The following ADAM32 variants were observed in gnomAD, a reference collection of about 807,000 sequenced individuals.
ADAM32 encodes the protein disintegrin and metalloproteinase domain-containing protein 32.
Under a neutral mutation model 114.9 loss-of-function variants are expected in ADAM32, and 89 were observed. The ratio of observed to expected loss-of-function variants is 0.77; its 90% CI spans 0.65 to 0.92. The LOEUF is 0.92. Among genes scored for constraint, ADAM32 ranks in the 40% least tolerant of loss-of-function variants. The pLI is 0.00. For synonymous variants in ADAM32, 285 were observed against 307.5 expected (o/e 0.93, Z 0.77); for missense variants, 870 against 932.8 (o/e 0.93, Z 0.88).
intron 11 of ADAM32, among the ~76,000 whole-genome samples, chr8:39,190,569 GT>G (rs1185260426): frequency 6.6e-6 from 1 of 152,086 alleles, no homozygotes; most frequent in Non-Finnish European, 1.5e-5. Context: ...TTTTTATGTT[GT>G]TTGATAATAA....
chr8:39,121,049 A>G (rs1360219777), intron 2 of ADAM32, among the ~76,000 whole-genome samples: 1 of 152,224 alleles, frequency 6.6e-6, no homozygotes, highest in Non-Finnish European at 1.5e-5. Context: ...TTTAGCAAAA[A>G]GGAACAAGAA....
At chr8:39,235,511 A>G (rs1381952274) in intron 16 of ADAM32, among the ~76,000 whole-genome samples, 1 of 152,192 alleles carries the variant, frequency 6.6e-6, no homozygotes, top group Non-Finnish European at 1.5e-5. Context: ...GCAGAAAAGA[A>G]AAAGCCTAAA....
intron 11 of ADAM32, among the ~76,000 whole-genome samples, chr8:39,198,085 T>TA (rs1325178539): frequency 6.6e-6 from 1 of 152,156 alleles, no homozygotes; most frequent in East Asian, 1.9e-4. Flanking sequence ...TGGTTTTTTT[T>TA]ATGTGTTTTA....
At chr8:39,190,946 C>T (rs1374543345) in intron 11 of ADAM32, among the ~76,000 whole-genome samples, 2 of 152,138 alleles carry the variant, frequency 1.3e-5, no homozygotes, top group Admixed American at 1.3e-4. Context: ...GACCCAGTGT[C>T]TATTGTTCCT....
At position 39,136,572 on chromosome 8, in the gene ADAM32, T is replaced by C; in HGVS notation, c.139-85T>C. The C allele has an allele frequency of 4.8e-6, 4 of 830,624 alleles. No individual in the cohort carries two copies. The South Asian group carries it at 7.0e-5, about 15-fold the overall frequency. The allele number at this position is 830,624 out of a possible 1,614,324, so 51.5% of individuals were successfully genotyped here. The stretch of plus-strand genomic sequence containing the variant: ...TGTAATGAAGATGTTTTAAGCATTG[T>C]TTGGACAGATTAATTGATATAAAAC... On this transcript the variant is annotated intron_variant, in intron 2 of 24. Coordinates refer to ENST00000379907, the MANE Select transcript of ADAM32 (RefSeq NM_145004.7).
chr8:39,209,137 C>T (rs921332064), intron 11 of ADAM32, among the ~76,000 whole-genome samples: 22 of 152,166 alleles, frequency 1.4e-4, no homozygotes, highest in African/African-American at 5.3e-4. Flanking sequence ...TTTGGTATCT[C>T]ACTGATCCAA....
intron 12 of ADAM32, among the ~76,000 whole-genome samples, chr8:39,212,779 T>A (rs1808314125): frequency 6.6e-6 from 1 of 152,174 alleles, no homozygotes; most frequent in Non-Finnish European, 1.5e-5. Context: ...AAGTACAACT[T>A]CTAGGTCATA....
At chr8:39,189,971 C>A (rs936211633) in intron 11 of ADAM32, among the ~76,000 whole-genome samples, 1 of 152,146 alleles carries the variant, frequency 6.6e-6, no homozygotes, top group Non-Finnish European at 1.5e-5. Context: ...CCAGCCACCA[C>A]GCCTGGCTAA....
intron 3 of ADAM32, among the ~76,000 whole-genome samples, chr8:39,142,260 T>C (rs1350910123): frequency 6.6e-6 from 1 of 152,200 alleles, no homozygotes; most frequent in African/African-American, 2.4e-5. Flanking sequence ...GTTAGCTGGT[T>C]ATTTTTCCCA....
At chr8:39,234,235 A>G (rs975218291) in intron 16 of ADAM32, among the ~76,000 whole-genome samples, 153 bp downstream of exon 16, 1 of 152,144 alleles carries the variant, frequency 6.6e-6, no homozygotes, top group Non-Finnish European at 1.5e-5. Flanking sequence ...CCAAATAGTA[A>G]GAGGGAAATG....
At chr8:39,173,358 G>A (rs1056056061) in intron 10 of ADAM32, among the ~76,000 whole-genome samples, 1 of 151,620 alleles carries the variant, frequency 6.6e-6, no homozygotes, top group Non-Finnish European at 1.5e-5. Flanking sequence ...TTTAATAATC[G>A]CCATTCTGAC....
chr8:39,279,231 C>CACTGGAAATGATT (rs1443284664), intron 22 of ADAM32, among the ~76,000 whole-genome samples: 1 of 151,924 alleles, frequency 6.6e-6, no homozygotes, highest in Non-Finnish European at 1.5e-5. Flanking sequence ...CTCTTTTTTC[C>CACTGGAAATGATT]ACTGGAAATG....
At chr8:39,217,469 A>G (rs1454278101) in intron 12 of ADAM32, among the ~76,000 whole-genome samples, 2 of 151,430 alleles carry the variant, frequency 1.3e-5, no homozygotes, top group Non-Finnish European at 2.9e-5. Context: ...CTCTTTATCT[A>G]CCTCCTCTTT....
chr8:39,159,603 T>G (rs1032687450), intron 6 of ADAM32, among the ~76,000 whole-genome samples: 2 of 152,244 alleles, frequency 1.3e-5, no homozygotes, highest in African/African-American at 4.8e-5. Flanking sequence ...GTGTGCTTGC[T>G]GCTTTTCTTG....
intron 2 of ADAM32, chr8:39,129,955 C>CTTTTTTTTTT: frequency 4.2e-6 from 1 of 236,604 alleles, no homozygotes. Flanking sequence ...ATCACATTTC[C>CTTTTTTTTTT]TTTTTTTTTT....
At chr8:39,211,388 A>T (rs760331578) in intron 12 of ADAM32, 64 bp downstream of exon 12, 98 of 1,363,798 alleles carry the variant, frequency 7.2e-5, no homozygotes, top group Non-Finnish European at 9.2e-5. Flanking sequence ...TTTTTCATAA[A>T]TGTCATATAT....
At chr8:39,240,584 G>A (rs1810492120) in intron 16 of ADAM32, among the ~76,000 whole-genome samples, 1 of 152,214 alleles carries the variant, frequency 6.6e-6, no homozygotes, top group South Asian at 2.1e-4. Flanking sequence ...GAGGTTTAAT[G>A]AACTTAAAAT....
intron 2 of ADAM32, among the ~76,000 whole-genome samples, chr8:39,128,854 T>C (rs975291085): frequency 6.6e-6 from 1 of 152,130 alleles, no homozygotes; most frequent in Non-Finnish European, 1.5e-5. Flanking sequence ...CCAATATCCC[T>C]TGACTGGGAA....
chr8:39,133,776 G>C (rs1184179600), intron 2 of ADAM32, among the ~76,000 whole-genome samples: 1 of 152,194 alleles, frequency 6.6e-6, no homozygotes, highest in African/African-American at 2.4e-5. Context: ...CCAGATATCA[G>C]ATCCCCGGAT....
Sources: gnomAD v4.1 joint callset for allele counts (sites outside exome capture counted in the v4.1 genomes callset) on GRCh38, gnomAD v4.1.1 for gene constraint, MANE v1.5 for transcripts, NCBI Gene and HGNC (gene_info 2026-07-23, HGNC 2026-07-21) for gene names.